ERCC6: variants seen among roughly 807,000 people sequenced by gnomAD.
The protein encoded by ERCC6 is ERCC excision repair 6, chromatin remodeling factor, also known as DNA excision repair protein ERCC-6.
In ERCC6, 116 loss-of-function variants were observed where a neutral mutation model predicts 158.7. The observed-to-expected ratio is 0.73, with a 90% CI of 0.63 to 0.85. The LOEUF is 0.85. ERCC6 is among the 40% of genes least tolerant of loss of function. ERCC6 has a pLI of 0.00. For missense variants in ERCC6, 1,698 were observed against 1,799.4 expected (o/e 0.94, Z 1.02); for synonymous variants, 678 against 659.3 (o/e 1.03, Z -0.43).
At chr10:49,494,732 T>C (rs1419181337) in intron 7 of ERCC6, among the ~76,000 whole-genome samples, 1 of 152,184 alleles carries the variant, frequency 6.6e-6, no homozygotes, top group Non-Finnish European at 1.5e-5. Context: ...AAGGAAAAAT[T>C]ACATTCTGGG....
intron 5 of ERCC6, among the ~76,000 whole-genome samples, chr10:49,510,207 A>T (rs921945535): frequency 1.3e-5 from 2 of 152,116 alleles, no homozygotes; most frequent in African/African-American, 2.4e-5. Flanking sequence ...CCCAGTTGTA[A>T]CCTATTAGGG....
the ERCC6 span, among the ~76,000 whole-genome samples, chr10:49,436,481 G>A: frequency 6.6e-6 from 1 of 151,900 alleles, no homozygotes; most frequent in East Asian, 1.9e-4. Context: ...AAATCAATAA[G>A]AGAAGGACAA....
chr10:49,446,600 C>T, the ERCC6 span, among the ~76,000 whole-genome samples: 1 of 152,076 alleles, frequency 6.6e-6, no homozygotes, highest in Non-Finnish European at 1.5e-5. Context: ...CACAGCGAGA[C>T]TCTGTCTCTC....
chr10:49,532,418 C>T (rs1429161414), intron 2 of ERCC6, 125 bp downstream of exon 2: 2 of 1,471,986 alleles, frequency 1.4e-6, no homozygotes, highest in Non-Finnish European at 1.8e-6. Flanking sequence ...CTTATTGACT[C>T]TGTCCTCCAA....
At chr10:49,478,755 ACTTTC>A (rs1455237781) in intron 10 of ERCC6, among the ~76,000 whole-genome samples, 3 of 152,166 alleles carry the variant, frequency 2.0e-5, no homozygotes, top group Non-Finnish European at 4.4e-5. Flanking sequence ...TCTCTTATAC[ACTTTC>A]CTTTAATTAT....
intron 5 of ERCC6, chr10:49,517,129 G>A (rs759031177): frequency 8.7e-5 from 137 of 1,570,070 alleles, no homozygotes; most frequent in Admixed American, 3.7e-4. Flanking sequence ...GGACTAAAAC[G>A]GAAAAAAGGT....
chr10:49,447,977 T>C, the ERCC6 span, among the ~76,000 whole-genome samples: 3 of 152,216 alleles, frequency 2.0e-5, no homozygotes, highest in Admixed American at 6.5e-5. Flanking sequence ...ATTTTGACCA[T>C]TGTGAATAGT....
At chr10:49,526,107 TTATATATTTTTATATATATATATATA>T (rs1453703384) in intron 4 of ERCC6, among the ~76,000 whole-genome samples, 15 of 80,546 alleles carry the variant, frequency 1.9e-4, no homozygotes, top group Admixed American at 5.1e-4. Context: ...ATTTATATAT[TTATATATTTTTATATATATATATATA>T]TATATATATA....
intron 4 of ERCC6, among the ~76,000 whole-genome samples, chr10:49,526,097 ATT>A (rs1837316672): frequency 2.8e-3 from 285 of 102,758 alleles, no homozygotes; most frequent in Middle Eastern, 4.7e-3. Context: ...ATATTTATAT[ATT>A]TATATATTTA....
Position 49,516,703 on chromosome 10 carries a change from C to G in ERCC6, c.1397+7330G>C, listed in dbSNP as rs147242124. 5.0e-6 allele frequency: 8 copies of G among 1,614,018 alleles called. No individual in the cohort carries two copies. In the African/African-American group the frequency reaches 5.3e-5, roughly 11 times the overall value. ...AGAATTTCTGTGGGAGTTCTCATTACGGTGAAGAAATCGTTTGGTGGTGCT... is the reference window on the plus strand; with the variant it reads ...AGAATTTCTGTGGGAGTTCTCATTAGGGTGAAGAAATCGTTTGGTGGTGCT... On this transcript the variant is annotated intron_variant, in intron 5 of 20. Transcript: ENST00000355832.
chr10:49,493,403 A>C, intron 7 of ERCC6, 151 bp from the exon 8 acceptor site: 1 of 1,007,448 alleles, frequency 9.9e-7, no homozygotes, highest in Non-Finnish European at 1.5e-6. Context: ...TTTAAGAAAA[A>C]GTTACTGATG....
At chr10:49,473,349 TC>T in intron 14 of ERCC6, 127 bp downstream of exon 14, 1 of 793,670 alleles carries the variant, frequency 1.3e-6, no homozygotes, top group South Asian at 1.4e-5. Flanking sequence ...ACAACAAGTC[TC>T]CCCTTAGGCC....
At chr10:49,501,847 C>T (rs1468221996) in intron 6 of ERCC6, 1 of 151,804 alleles carries the variant, frequency 6.6e-6, no homozygotes, top group African/African-American at 2.4e-5. Context: ...GTAGTCCTAG[C>T]TACTTGGGAG....
At chr10:49,438,306 A>G in the ERCC6 span, among the ~76,000 whole-genome samples, 1 of 152,202 alleles carries the variant, frequency 6.6e-6, no homozygotes, top group African/African-American at 2.4e-5. Context: ...ACAGTTCTAC[A>G]TGGCTGGGGA....
At chr10:49,488,697 G>A (rs951149581) in intron 8 of ERCC6, among the ~76,000 whole-genome samples, 3 of 146,334 alleles carry the variant, frequency 2.1e-5, no homozygotes, top group South Asian at 2.1e-4. Flanking sequence ...TTAAAGCCAC[G>A]TCTTTTTGCT....
intron 12 of ERCC6, chr10:49,475,308 A>G: frequency 2.7e-6 from 1 of 372,330 alleles, no homozygotes; most frequent in Non-Finnish European, 5.3e-6. Context: ...AATAAAATAT[A>G]TATCAAAATT....
chr10:49,435,857 G>A, the ERCC6 span, among the ~76,000 whole-genome samples: 4 of 151,948 alleles, frequency 2.6e-5, no homozygotes, highest in Admixed American at 2.6e-4. Flanking sequence ...AAATTAGCTG[G>A]GCATGGTGGC....
chr10:49,515,987 T>G, intron 5 of ERCC6: 1 of 1,614,204 alleles, frequency 6.2e-7, no homozygotes, highest in Non-Finnish European at 8.5e-7. Flanking sequence ...TGTGATCCTT[T>G]CTCACTGTAC....
chr10:49,506,293 C>G (rs1851441819), intron 5 of ERCC6: 3 of 436,334 alleles, frequency 6.9e-6, no homozygotes, highest in Non-Finnish European at 1.2e-5. Context: ...TCTGGCATAC[C>G]CTAAGGGAAA....
Sources: gnomAD v4.1 joint callset for allele counts (sites outside exome capture counted in the v4.1 genomes callset) on GRCh38, gnomAD v4.1.1 for gene constraint, MANE v1.5 for transcripts, NCBI Gene and HGNC (gene_info 2026-07-23, HGNC 2026-07-21) for gene names.